BPTF: variants seen among roughly 807,000 people sequenced by gnomAD.
BPTF encodes the protein nucleosome-remodeling factor subunit BPTF.
BPTF carries 18 observed loss-of-function variants against 292.5 expected under a neutral mutation model. The ratio of observed to expected loss-of-function variants is 0.06; its 90% CI spans 0.04 to 0.09. The LOEUF is 0.09. Among genes scored for constraint, BPTF ranks in the 10% least tolerant of loss-of-function variants. The pLI, the probability that BPTF is intolerant of heterozygous loss-of-function variation, is 1.00. For missense variants in BPTF, 2,726 were observed against 3,498.7 expected (o/e 0.78, Z 5.57); for synonymous variants, 1,225 against 1,251.9 (o/e 0.98, Z 0.45).
intron 23 of BPTF, among the ~76,000 whole-genome samples, chr17:67,949,575 A>C (rs1466102167): frequency 2.8e-5 from 4 of 145,280 alleles, no homozygotes; most frequent in African/African-American, 1.0e-4. Context: ...ACTCCATCTC[A>C]AAAAAAAAAA....
Position 67,912,349 on chromosome 17 carries a change from A to G in BPTF, c.4465A>G (p.Ser1489Gly). 6.2e-7 allele frequency: 1 copy of G among 1,614,098 alleles called. No individual in the cohort carries two copies. The highest frequency in any genetic ancestry group is 8.5e-7 in the Non-Finnish European group (1 of 1,179,968). The change falls in exon 11 of 28, where the codon AGT becomes GGT. Residue 1489 changes from serine to glycine, a missense_variant. Physicochemically the swap from Ser to Gly is moderately conservative, Grantham distance 56 (BLOSUM62 0). This residue lies in a region of BPTF where 713 missense variants were observed against 714.9 expected (regional missense o/e 1.00). Coordinates refer to ENST00000306378, the MANE Select transcript of BPTF (RefSeq NM_182641.4). ...NSSETKSHLL[S>G]SSDAEGNYRD... The stretch of plus-strand genomic sequence containing the variant: ...CTCCGAAACAAAATCGCATTTGCTG[A>G]GTTCTTCAGATGCTGAAGGTAACTA...
chr17:67,918,983 TAACATGGTGA>T, intron 12 of BPTF, 145 bp downstream of exon 12: 1 of 776,028 alleles, frequency 1.3e-6, no homozygotes, highest in African/African-American at 1.8e-5. Context: ...CCATCCTGGC[TAACATGGTGA>T]AACCCCGTCT....
In BPTF at chr17:67,946,150, T is replaced by G; in HGVS notation, c.7442T>G (p.Val2481Gly). The G allele has an allele frequency of 1.2e-6, 2 of 1,614,172 alleles. No individual in the cohort carries two copies. Among genetic ancestry groups the G allele is most frequent in the Non-Finnish European group, 1.7e-6 (2 of 1,180,038 alleles). Reference sequence around the variant, plus strand: ...ATCCAAATTCAGCAAAGCAGTGCTGTGCAGACTCACCAGATTCAGAATGTG... The same window carrying G: ...ATCCAAATTCAGCAAAGCAGTGCTGGGCAGACTCACCAGATTCAGAATGTG... ...LPIQIQQSSA[V>G]QTHQIQNVVT... The change falls in exon 21 of 28, where the codon GTG becomes GGG. Residue 2481 changes from valine (V) to glycine (G), a missense_variant. Coordinates refer to ENST00000306378, the MANE Select transcript of BPTF (RefSeq NM_182641.4).
At chr17:67,850,777 C>T (rs2058344922) in intron 1 of BPTF, among the ~76,000 whole-genome samples, 1 of 152,130 alleles carries the variant, frequency 6.6e-6, no homozygotes. Flanking sequence ...GACTGTTTTC[C>T]TGTTGATGGA....
chr17:67,980,245 T>C (rs1266771438), intron 27 of BPTF, among the ~76,000 whole-genome samples: 1 of 152,028 alleles, frequency 6.6e-6, no homozygotes, highest in African/African-American at 2.4e-5. Flanking sequence ...CTGGGGAGGC[T>C]GAGGCAGGAG....
intron 3 of BPTF, among the ~76,000 whole-genome samples, chr17:67,872,344 T>C (rs923980144): frequency 6.6e-6 from 1 of 152,240 alleles, no homozygotes; most frequent in African/African-American, 2.4e-5. Context: ...TTTTTGGTTT[T>C]ATTTTCATTA....
At chr17:67,882,969 C>T (rs72845279) in intron 4 of BPTF, among the ~76,000 whole-genome samples, 3 of 144,688 alleles carry the variant, frequency 2.1e-5, no homozygotes, top group Non-Finnish European at 4.5e-5. Context: ...CGCCACTGCA[C>T]TCCAGCCTGG....
Position 67,983,160 on chromosome 17 carries a change from GGT to G in BPTF, c.*875_*876del, listed in dbSNP as rs2070599734. 1 of 152,596 alleles carries G rather than the reference GGT, an allele frequency of 6.6e-6. No individual in the cohort carries two copies. The highest frequency in any genetic ancestry group is 2.1e-4 in the South Asian group (1 of 4,834). 9.5% of individuals were successfully genotyped at this position (152,596 alleles called of 1,614,324 possible). The stretch of plus-strand genomic sequence containing the variant: ...AGATAATTTTTCTCCCACAGACAGA[GGT>G]GTCTTTGAATGTGCGCTAATGATTA... On this transcript the variant is annotated 3_prime_UTR_variant, in exon 28 of 28. Coordinates refer to ENST00000306378, the MANE Select transcript of BPTF (RefSeq NM_182641.4).
At chr17:67,834,727 A>T (rs1321019572) in intron 1 of BPTF, among the ~76,000 whole-genome samples, 1 of 152,090 alleles carries the variant, frequency 6.6e-6, no homozygotes, top group African/African-American at 2.4e-5. Flanking sequence ...GCCCTTCTTT[A>T]ATTACAACCT....
intron 4 of BPTF, among the ~76,000 whole-genome samples, chr17:67,879,153 T>TC (rs1491183991): frequency 2.0e-4 from 18 of 91,988 alleles, no homozygotes; most frequent in Non-Finnish European, 3.7e-4. Flanking sequence ...TTTTTTTTTT[T>TC]CTTTTTGAGA....
At chr17:67,874,518 G>A (rs1377920942) in intron 3 of BPTF, among the ~76,000 whole-genome samples, 4 of 152,026 alleles carry the variant, frequency 2.6e-5, no homozygotes, top group Non-Finnish European at 4.4e-5. Flanking sequence ...ACAGATATCC[G>A]TGACAGATAT....
intron 3 of BPTF, among the ~76,000 whole-genome samples, chr17:67,874,002 G>A (rs186736362): frequency 6.6e-5 from 10 of 151,988 alleles, no homozygotes; most frequent in African/African-American, 2.4e-4. Flanking sequence ...CTGGATGGAT[G>A]GATGGATGGA....
intron 4 of BPTF, among the ~76,000 whole-genome samples, chr17:67,880,078 A>T (rs2060297843): frequency 6.6e-6 from 1 of 151,884 alleles, no homozygotes; most frequent in Non-Finnish European, 1.5e-5. Context: ...ATTTTGGCAA[A>T]TTTTTACAAT....
chr17:67,962,670 G>A (rs2067633190), intron 24 of BPTF, among the ~76,000 whole-genome samples: 1 of 152,214 alleles, frequency 6.6e-6, no homozygotes, highest in East Asian at 1.9e-4. Flanking sequence ...AAACTGGCCC[G>A]TGCCATATTC....
chr17:67,902,400 T>C (rs927192595), intron 7 of BPTF, among the ~76,000 whole-genome samples: 1 of 152,190 alleles, frequency 6.6e-6, no homozygotes, highest in Non-Finnish European at 1.5e-5. Flanking sequence ...CACCCCGCCT[T>C]ACTCCTGTAG....
intron 3 of BPTF, among the ~76,000 whole-genome samples, chr17:67,873,613 A>G (rs1197426629): frequency 6.6e-6 from 1 of 152,212 alleles, no homozygotes; most frequent in Non-Finnish European, 1.5e-5. Context: ...TAGATATGTT[A>G]TAGATAATGT....
intron 25 of BPTF, 127 bp downstream of exon 25, chr17:67,964,531 T>G (rs1271877374): frequency 2.6e-6 from 3 of 1,170,562 alleles, no homozygotes; most frequent in South Asian, 3.4e-5. Context: ...TCTAGTGAAG[T>G]GCCTAACAAA....
chr17:67,981,398 C>A (rs1266704859), intron 27 of BPTF: 1 of 929,200 alleles, frequency 1.1e-6, no homozygotes, highest in Admixed American at 3.7e-5. Context: ...TGTTATAATT[C>A]ATCATTTATA....
At chr17:67,875,238 T>A (rs1400123531) in intron 4 of BPTF, among the ~76,000 whole-genome samples, 1 of 152,200 alleles carries the variant, frequency 6.6e-6, no homozygotes, top group Non-Finnish European at 1.5e-5. Flanking sequence ...ATGTCTCTAT[T>A]TATACTTCCC....
Sources: allele counts gnomAD v4.1 joint callset (sites outside exome capture counted in the v4.1 genomes callset), GRCh38; gene constraint gnomAD v4.1.1; regional missense constraint gnomAD v4.1.1; transcripts MANE v1.5; gene names NCBI Gene and HGNC (gene_info 2026-07-23, HGNC 2026-07-21).